The following ATXN7L1 variants were observed in gnomAD, a reference collection of about 807,000 sequenced individuals.
ATXN7L1 encodes ataxin-7-like protein 1.
A neutral mutation model predicts 70.8 loss-of-function variants in ATXN7L1; 15 were observed. The observed-to-expected ratio is 0.21, with a 90% CI of 0.14 to 0.33. ATXN7L1 has a LOEUF of 0.33. ATXN7L1 is among the 10% of genes least tolerant of loss of function. ATXN7L1 has a pLI of 1.00. For missense variants in ATXN7L1, 975 were observed against 1,097.1 expected (o/e 0.89, Z 1.57); for synonymous variants, 440 against 445.1 (o/e 0.99, Z 0.14).
At chr7:105,835,602 G>A (rs1005459898) in intron 2 of ATXN7L1, among the ~76,000 whole-genome samples, 10 of 152,090 alleles carry the variant, frequency 6.6e-5, no homozygotes, top group Non-Finnish European at 1.0e-4. Flanking sequence ...AGAGCTCAGC[G>A]GAGACGGACT....
chr7:105,713,631 G>A (rs947263025), intron 3 of ATXN7L1, among the ~76,000 whole-genome samples: 10 of 152,228 alleles, frequency 6.6e-5, no homozygotes, highest in African/African-American at 2.4e-4. Flanking sequence ...TGGCAATAAG[G>A]GTGACTCAAG....
At chr7:105,781,343 A>G (rs1803497648) in intron 3 of ATXN7L1, among the ~76,000 whole-genome samples, 1 of 152,162 alleles carries the variant, frequency 6.6e-6, no homozygotes, top group Non-Finnish European at 1.5e-5. Flanking sequence ...TCTACCTATT[A>G]TTTTTTTCTT....
At chr7:105,628,144 G>A (rs1372933846) in intron 7 of ATXN7L1, among the ~76,000 whole-genome samples, 1 of 152,028 alleles carries the variant, frequency 6.6e-6, no homozygotes, top group Non-Finnish European at 1.5e-5. Context: ...TGCCCGGCCT[G>A]TCTTTACTTT....
chr7:105,757,832 C>G (rs961742269), intron 3 of ATXN7L1, among the ~76,000 whole-genome samples: 4 of 151,900 alleles, frequency 2.6e-5, no homozygotes, highest in African/African-American at 9.7e-5. Flanking sequence ...TCAAACAATC[C>G]TCCTGCCTCA....
intron 3 of ATXN7L1, among the ~76,000 whole-genome samples, chr7:105,696,005 T>C (rs1326115594): frequency 1.3e-5 from 2 of 152,192 alleles, no homozygotes; most frequent in Non-Finnish European, 2.9e-5. Flanking sequence ...GAATGTAGAA[T>C]GCAGAGGGGA....
chr7:105,671,930 T>C (rs1382916367), intron 3 of ATXN7L1, among the ~76,000 whole-genome samples: 1 of 150,942 alleles, frequency 6.6e-6, no homozygotes, highest in African/African-American at 2.4e-5. Context: ...TTTTTTTTCT[T>C]ATGTGCCAGG....
chr7:105,820,126 CA>C (rs562797891), intron 2 of ATXN7L1: 862 of 64,288 alleles, frequency 0.013, no homozygotes, highest in Admixed American at 0.025. Context: ...GTTTATTCCT[CA>C]AAAAAAAAAA....
intron 2 of ATXN7L1, among the ~76,000 whole-genome samples, chr7:105,795,599 G>C (rs1403634865): frequency 6.6e-6 from 1 of 152,162 alleles, no homozygotes; most frequent in African/African-American, 2.4e-5. Flanking sequence ...AACCTTAAGA[G>C]AGACTAAATA....
chr7:105,786,606 G>A (rs1216760133), intron 3 of ATXN7L1, among the ~76,000 whole-genome samples: 1 of 152,022 alleles, frequency 6.6e-6, no homozygotes. Flanking sequence ...CAGCAACCTC[G>A]AACTGCTGGG....
At chr7:105,761,218 G>A in intron 3 of ATXN7L1, 5 of 1,453,308 alleles carry the variant, frequency 3.4e-6, no homozygotes, top group Non-Finnish European at 1.8e-6. Flanking sequence ...TTCCTTACTA[G>A]ATCCTGACAC....
chr7:105,799,114 G>A (rs550963596), intron 2 of ATXN7L1, among the ~76,000 whole-genome samples: 1 of 152,316 alleles, frequency 6.6e-6, no homozygotes, highest in East Asian at 1.9e-4. Context: ...TGGATAACAC[G>A]TTGCAGGACT....
intron 8 of ATXN7L1, among the ~76,000 whole-genome samples, chr7:105,623,079 C>T (rs1795172371): frequency 6.6e-6 from 1 of 152,134 alleles, no homozygotes; most frequent in Non-Finnish European, 1.5e-5. Flanking sequence ...TCTTAATCGT[C>T]CCTATTTTCT....
intron 2 of ATXN7L1, among the ~76,000 whole-genome samples, chr7:105,845,202 CTCAAAA>C (rs1563138948): frequency 6.5e-5 from 1 of 15,402 alleles, no homozygotes; most frequent in East Asian, 4.4e-4. Flanking sequence ...AAAACTCTGT[CTCAAAA>C]AAAAAAAAAA....
At chr7:105,851,621 G>A (rs1387500252) in intron 2 of ATXN7L1, among the ~76,000 whole-genome samples, 1 of 152,164 alleles carries the variant, frequency 6.6e-6, no homozygotes, top group Non-Finnish European at 1.5e-5. Flanking sequence ...TTCCTCACGT[G>A]TTTCCATCCC....
Position 105,614,864 on chromosome 7 carries a change from G to T in ATXN7L1, c.1518-48C>A. ...AGAGAATCAGTGAGACATCGGGTTG[G>T]CATTGCTCAGGAGGCTCGATGACGT... On this transcript the variant is annotated intron_variant, in intron 9 of 11. Transcript: ENST00000419735. The surrounding 1 kb of genome is among the most constrained non-coding windows in gnomAD (Gnocchi z 4.3). 1 of 1,514,234 alleles carries T rather than the reference G, an allele frequency of 6.6e-7. No homozygotes were observed. 93.8% of individuals were successfully genotyped at this position (1,514,234 alleles called of 1,614,324 possible). A position where few individuals can be genotyped will look rare whatever the true frequency, so the allele number is the denominator to read the frequency against.
At chr7:105,644,954 G>A (rs1292577791) in intron 4 of ATXN7L1, among the ~76,000 whole-genome samples, 2 of 152,190 alleles carry the variant, frequency 1.3e-5, no homozygotes, top group Non-Finnish European at 2.9e-5. Context: ...ACACGGGCAG[G>A]AGCCTTGAAG....
At chr7:105,736,578 C>T (rs476458) in intron 3 of ATXN7L1, among the ~76,000 whole-genome samples, 31,674 of 152,112 alleles carry the variant, frequency 0.21, 3,515 homozygotes, top group East Asian at 0.33. Flanking sequence ...CTCTCTTACC[C>T]CTGATCATGC....
intron 7 of ATXN7L1, among the ~76,000 whole-genome samples, chr7:105,627,375 T>C (rs762465518): frequency 3.3e-5 from 5 of 151,900 alleles, no homozygotes; most frequent in Non-Finnish European, 7.4e-5. Flanking sequence ...GCTGGGCTTA[T>C]AGGCATGTGT....
At chr7:105,612,487 GC>G (rs147688724) in intron 10 of ATXN7L1, among the ~76,000 whole-genome samples, 4,277 of 152,222 alleles carry the variant, frequency 0.028, 209 homozygotes, top group African/African-American at 0.097. Context: ...ATGTTCACAA[GC>G]CCCCCGGGGG....
Sources: allele counts gnomAD v4.1 joint callset (sites outside exome capture counted in the v4.1 genomes callset), GRCh38; gene constraint gnomAD v4.1.1; non-coding constraint Gnocchi (gnomAD v3.1); transcripts MANE v1.5; gene names NCBI Gene and HGNC (gene_info 2026-07-23, HGNC 2026-07-21).